KLF15: variants seen among roughly 807,000 people sequenced by gnomAD.
The protein encoded by KLF15 is Krueppel-like factor 15.
In KLF15, 4 loss-of-function variants were observed where a neutral mutation model predicts 24.6. The observed-to-expected ratio is 0.16, with a 90% CI of 0.08 to 0.37. The LOEUF (loss-of-function observed/expected upper bound fraction) is 0.37. KLF15 is among the 10% of genes least tolerant of loss of function. The pLI, the probability that KLF15 is intolerant of heterozygous loss-of-function variation, is 1.00. For synonymous variants in KLF15, 246 were observed against 236.3 expected (o/e 1.04, Z -0.37); for missense variants, 496 against 560.6 (o/e 0.88, Z 1.16).
chr3:126,316,290 G>A, the KLF15 span, among the ~76,000 whole-genome samples: 131 of 150,402 alleles, frequency 8.7e-4, 1 homozygote, highest in African/African-American at 3.0e-3. Context: ...GGGCCAGAAT[G>A]GGGAAGGGAG....
At chr3:126,291,532 G>C in the KLF15 span, among the ~76,000 whole-genome samples, 2 of 152,238 alleles carry the variant, frequency 1.3e-5, no homozygotes, top group Non-Finnish European at 2.9e-5. Context: ...TCAAGACTTT[G>C]GCTGGTCAAT....
the KLF15 span, chr3:126,290,685 A>G: frequency 2.0e-5 from 3 of 152,148 alleles, no homozygotes; most frequent in Admixed American, 6.6e-5. Context: ...ATCCACCTGA[A>G]TTTTCTCCTA....
At chr3:126,302,394 G>C in the KLF15 span, among the ~76,000 whole-genome samples, 1 of 152,082 alleles carries the variant, frequency 6.6e-6, no homozygotes, top group Admixed American at 6.5e-5. Context: ...ATTAGGGCAA[G>C]TTTGTTCATA....
At chr3:126,338,060 G>A (rs1157608954), downstream of KLF15, among the ~76,000 whole-genome samples, 1 of 152,234 alleles carries the variant, frequency 6.6e-6, no homozygotes, top group Non-Finnish European at 1.5e-5. Context: ...GATTGGCAAA[G>A]AGACTCGGGC....
intron 2 of KLF15, among the ~76,000 whole-genome samples, chr3:126,351,362 C>T (rs983169241): frequency 1.3e-5 from 2 of 152,224 alleles, no homozygotes; most frequent in Non-Finnish European, 2.9e-5. Flanking sequence ...CTCTCGAATC[C>T]GGCCTCTGGG....
At chr3:126,344,125 A>G (rs1384362311) in intron 2 of KLF15, among the ~76,000 whole-genome samples, 1 of 152,126 alleles carries the variant, frequency 6.6e-6, no homozygotes, top group Non-Finnish European at 1.5e-5. Context: ...GCTGGAGTGC[A>G]GTGGCGCCAT....
the KLF15 span, among the ~76,000 whole-genome samples, chr3:126,296,929 C>A: frequency 6.6e-6 from 1 of 151,990 alleles, no homozygotes; most frequent in African/African-American, 2.4e-5. Flanking sequence ...TCTTTAGTAA[C>A]TTTCTTTTTT....
the KLF15 span, among the ~76,000 whole-genome samples, chr3:126,294,658 T>C: frequency 6.6e-6 from 1 of 152,128 alleles, no homozygotes; most frequent in Non-Finnish European, 1.5e-5. Flanking sequence ...TTGGCCTCTC[T>C]AACTTTGCCC....
At chr3:126,340,668 T>C (rs1576579682), downstream of KLF15, among the ~76,000 whole-genome samples, 2 of 152,198 alleles carry the variant, frequency 1.3e-5, no homozygotes, top group East Asian at 1.9e-4. Context: ...GAGTTCCTGC[T>C]CTGCAGCCTT....
At chr3:126,347,497 G>A (rs920221417) in intron 2 of KLF15, among the ~76,000 whole-genome samples, 3 of 152,190 alleles carry the variant, frequency 2.0e-5, no homozygotes, top group Admixed American at 6.5e-5. Context: ...CACTGTGGAC[G>A]ACAAAAGTAC....
intron 1 of KLF15, among the ~76,000 whole-genome samples, chr3:126,355,729 TGGAAGGTGCGGGGGAGAGCGGGGGAG>T (rs1448391241): frequency 6.6e-6 from 1 of 152,158 alleles, no homozygotes; most frequent in Non-Finnish European, 1.5e-5. Context: ...AATGAGTGAA[TGGAAGGTGCGGGGGAGAGCGGGGGAG>T]GTCGGAGAGT....
the KLF15 span, among the ~76,000 whole-genome samples, chr3:126,305,527 T>C: frequency 1.3e-5 from 2 of 152,246 alleles, no homozygotes; most frequent in Non-Finnish European, 2.9e-5. Flanking sequence ...ATCTGGTGTC[T>C]GTCTCTTTTA....
chr3:126,352,311 G>C lies in KLF15; in HGVS notation c.612C>G (p.Ala204=), dbSNP rs778037033. Residue 204 remains alanine (A), a synonymous_variant, in exon 2 of 3, where the codon GCC becomes GCG. Coordinates refer to ENST00000296233, the MANE Select transcript of KLF15 (RefSeq NM_014079.4). ...GCGTGGGGCCCCCACCTGGGCCCTG[G>C]GCACCTCCTGCACTGGCACCACCTG... ...PPPGGASAGG[A]QGPGGGPTPD... 1 of 1,557,856 alleles carries C rather than the reference G, an allele frequency of 6.4e-7. No individual in the cohort carries two copies. The highest frequency in any genetic ancestry group is 2.2e-5 in the East Asian group (1 of 44,534).
the KLF15 span, among the ~76,000 whole-genome samples, chr3:126,298,899 T>G: frequency 6.6e-6 from 1 of 152,232 alleles, no homozygotes; most frequent in South Asian, 2.1e-4. Flanking sequence ...TCAGGTAATG[T>G]GATGCCTCCA....
the KLF15 span, among the ~76,000 whole-genome samples, chr3:126,316,451 G>GGATACTATGGGCCGGAGTGGGGAAGA: frequency 6.6e-6 from 1 of 151,340 alleles, no homozygotes; most frequent in Admixed American, 6.6e-5. Flanking sequence ...AGTGGGGAAG[G>GGATACTATGGGCCGGAGTGGGGAAGA]GAGTCTATGG....
chr3:126,352,832 C>T lies in KLF15; in HGVS notation c.91G>A (p.Ala31Thr), dbSNP rs761703149. ...YLGDRLVGRR[A>T]YHMLPSPVSE... is the part of the protein sequence containing the mutation. ...ACGGGTGAGGGCAGCATGTGATATG[C>T]CCGCCGGCCAACCAGCCTATCACCC... The change falls in exon 2 of 3, where the codon GCA becomes ACA. Residue 31 changes from alanine to threonine, a missense_variant. Physicochemically the swap from Ala to Thr is moderately conservative, Grantham distance 58. Around this residue, in one of 3 missense-constraint regions of KLF15, gnomAD observed 399 missense variants for 423.1 expected, o/e 0.94. Transcript: ENST00000296233. 4 of 1,608,060 alleles carry T rather than the reference C, an allele frequency of 2.5e-6. No individual in the cohort carries two copies. The highest frequency in any genetic ancestry group is 1.1e-5 in the South Asian group (1 of 90,042).
At position 126,356,676 on chromosome 3, in the gene KLF15, G is replaced by T. The variant is rs530913087; in HGVS notation, c.-26+561C>A. 4.6e-5 allele frequency among the ~76,000 whole-genome samples: 7 copies of T among 152,250 alleles called. No homozygotes were observed. In the South Asian group the frequency reaches 6.2e-4, roughly 14 times the overall value. On this transcript the variant is annotated intron_variant, in intron 1 of 2. Coordinates refer to ENST00000296233, the MANE Select transcript of KLF15 (RefSeq NM_014079.4). This position sits in a 1 kb window ranked among gnomAD's most constrained non-coding sequence, Gnocchi z 4.4. The stretch of plus-strand genomic sequence containing the variant: ...GAGGCTGTCCGCGAAGGACTCGCGC[G>T]TGGAGCCGCCGTGGGTGCCGGCGGG...
At chr3:126,350,065 C>A (rs2082570714) in intron 2 of KLF15, among the ~76,000 whole-genome samples, 1 of 152,214 alleles carries the variant, frequency 6.6e-6, no homozygotes, top group Admixed American at 6.5e-5. Flanking sequence ...TGGAGGGGGA[C>A]CACCCCAAAG....
chr3:126,316,663 G>A, the KLF15 span, among the ~76,000 whole-genome samples: 16 of 142,946 alleles, frequency 1.1e-4, no homozygotes, highest in South Asian at 2.3e-4. Flanking sequence ...GGAAGGGAGT[G>A]CACAGGCTGG....
Sources: gnomAD v4.1 joint callset for allele counts (sites outside exome capture counted in the v4.1 genomes callset) on GRCh38, gnomAD v4.1.1 for gene constraint, gnomAD v4.1.1 regional missense constraint, Gnocchi (gnomAD v3.1) non-coding constraint, MANE v1.5 for transcripts, NCBI Gene and HGNC (gene_info 2026-07-23, HGNC 2026-07-21) for gene names.